The following EBF2 variants were observed in gnomAD, a reference collection of about 807,000 sequenced individuals.
EBF2 encodes the protein EBF transcription factor 2.
Under a neutral mutation model 72.8 loss-of-function variants are expected in EBF2, and 21 were observed. That is an observed-to-expected ratio of 0.29 (90% CI 0.20 to 0.42). The LOEUF (loss-of-function observed/expected upper bound fraction) is 0.42, where lower values mean the gene tolerates loss of function less well. Among genes scored for constraint, EBF2 ranks in the 10% least tolerant of loss-of-function variants. The pLI is 1.00. For synonymous variants in EBF2, 299 were observed against 274.2 expected, an observed-to-expected ratio of 1.09 and a Z score of -0.89; for missense variants, 637 against 731.2, an observed-to-expected ratio of 0.87 and a Z score of 1.49.
intron 6 of EBF2, among the ~76,000 whole-genome samples, chr8:25,995,053 C>T (rs1804601874): frequency 6.6e-6 from 1 of 152,126 alleles, no homozygotes; most frequent in Non-Finnish European, 1.5e-5. Flanking sequence ...CACCTGTAAT[C>T]CCAGCACTTT....
intron 6 of EBF2, among the ~76,000 whole-genome samples, chr8:25,994,796 G>A (rs1405414169): frequency 1.3e-5 from 2 of 151,814 alleles, no homozygotes; most frequent in African/African-American, 4.8e-5. Flanking sequence ...GAGGGTGGAG[G>A]GTAGGCAAAA....
intron 7 of EBF2, among the ~76,000 whole-genome samples, chr8:25,890,430 T>C (rs531560793): frequency 6.4e-4 from 97 of 152,204 alleles, no homozygotes; most frequent in African/African-American, 2.3e-3. Context: ...GTGTTGAAAA[T>C]AGAGGATGTG....
chr8:25,861,146 G>A lies in EBF2; in HGVS notation c.1245C>T (p.Leu415=). The A allele has an allele frequency of 6.2e-7, 1 of 1,614,204 alleles. No homozygotes were observed. Among genetic ancestry groups the A allele is most frequent in the Non-Finnish European group, 8.5e-7 (1 of 1,180,026 alleles). The change falls in exon 13 of 16, where the codon CTC becomes CTT. Residue 415 remains leucine, a synonymous_variant. Coordinates refer to ENST00000520164, the MANE Select transcript of EBF2 (RefSeq NM_022659.4). ...VPRNPSQLPA[L]SSSPAHSGMM... is the part of the protein sequence containing the mutation. The stretch of plus-strand genomic sequence containing the variant: ...TGCCACTGTGCGCTGGGGAGCTAGA[G>A]AGGGCTGGAAGCTGGCTGGGATTCC...
At chr8:25,922,967 A>G (rs1224557700) in intron 6 of EBF2, among the ~76,000 whole-genome samples, 1 of 151,926 alleles carries the variant, frequency 6.6e-6, no homozygotes, top group Non-Finnish European at 1.5e-5. Flanking sequence ...AAAAAAAAAA[A>G]AATTCATCCG....
chr8:25,864,048 T>A (rs1429296328), intron 10 of EBF2, among the ~76,000 whole-genome samples: 1 of 152,218 alleles, frequency 6.6e-6, no homozygotes, highest in Non-Finnish European at 1.5e-5. Context: ...GCAATTAATG[T>A]GATCCTAATT....
intron 6 of EBF2, among the ~76,000 whole-genome samples, chr8:26,010,296 G>A (rs1347793449): frequency 1.3e-5 from 2 of 152,196 alleles, no homozygotes; most frequent in Non-Finnish European, 2.9e-5. Context: ...GCTAAAGACA[G>A]CTCCCTAGTG....
chr8:25,852,876 TTTG>T (rs1351041664), intron 14 of EBF2, among the ~76,000 whole-genome samples: 2 of 152,230 alleles, frequency 1.3e-5, no homozygotes, highest in African/African-American at 4.8e-5. Flanking sequence ...GACAGGAAGT[TTTG>T]TTTAAAAACT....
At chr8:25,965,905 C>T (rs1422671662) in intron 6 of EBF2, among the ~76,000 whole-genome samples, 2 of 152,282 alleles carry the variant, frequency 1.3e-5, no homozygotes, top group Non-Finnish European at 2.9e-5. Flanking sequence ...GCAATTTCCT[C>T]TGCCAGGGCA....
At chr8:25,997,183 T>G (rs1440363786) in intron 6 of EBF2, among the ~76,000 whole-genome samples, 1 of 152,148 alleles carries the variant, frequency 6.6e-6, no homozygotes, top group Non-Finnish European at 1.5e-5. Context: ...AAATCCACTC[T>G]ATTTCATGCT....
At chr8:26,041,031 T>A in intron 2 of EBF2, 29 bp from the exon 3 acceptor site, 1 of 1,612,942 alleles carries the variant, frequency 6.2e-7, no homozygotes, top group Non-Finnish European at 8.5e-7. Context: ...TTCGATTCCC[T>A]TGCCTTTCAG....
At chr8:26,028,624 G>A (rs780449502) in intron 6 of EBF2, among the ~76,000 whole-genome samples, 15 of 152,296 alleles carry the variant, frequency 9.8e-5, no homozygotes, top group African/African-American at 2.6e-4. Flanking sequence ...TCACTGGATC[G>A]TCAGAGAACC....
At chr8:25,957,515 G>T (rs575143802) in intron 6 of EBF2, among the ~76,000 whole-genome samples, 1 of 152,126 alleles carries the variant, frequency 6.6e-6, no homozygotes, top group African/African-American at 2.4e-5. Flanking sequence ...TGGAGCAACA[G>T]TGTTTGGAAT....
chr8:26,042,606 C>G (rs1376967912), intron 1 of EBF2, among the ~76,000 whole-genome samples: 1 of 152,162 alleles, frequency 6.6e-6, no homozygotes, highest in Non-Finnish European at 1.5e-5. Context: ...CGTCCTATAC[C>G]GTGGGGCTGT....
At chr8:25,982,627 C>A (rs1480009223) in intron 6 of EBF2, among the ~76,000 whole-genome samples, 2 of 152,192 alleles carry the variant, frequency 1.3e-5, no homozygotes, top group Non-Finnish European at 2.9e-5. Flanking sequence ...TTTATACCAC[C>A]TTCCAAGGCC....
chr8:25,890,006 G>C, intron 7 of EBF2, 137 bp from the exon 8 acceptor site: 1 of 708,814 alleles, frequency 1.4e-6, no homozygotes. Context: ...GGACTCAACA[G>C]AGTTTTCTCC....
rs4538892 is a variant in EBF2, at chr8:25,844,256, A to G, written c.*353T>C. 7.5e-3 allele frequency: 1,281 copies of G among 170,836 alleles called. 25 individuals are homozygous for G. The highest frequency in any genetic ancestry group is 0.027 in the African/African-American group (1,154 of 42,346). 10.6% of individuals were successfully genotyped at this position (170,836 alleles called of 1,614,324 possible). A position where few individuals can be genotyped will look rare whatever the true frequency, so the allele number is the denominator to read the frequency against. On this transcript the variant is annotated 3_prime_UTR_variant, in exon 16 of 16. Transcript: ENST00000520164. Reference sequence around the variant, plus strand: ...TTTTTTTTCCTACAAAGAAAAACAAATAGTATCCAAAATATTAAGCATTAA... The same window carrying G: ...TTTTTTTTCCTACAAAGAAAAACAAGTAGTATCCAAAATATTAAGCATTAA...
At chr8:25,971,829 A>C (rs984902365) in intron 6 of EBF2, among the ~76,000 whole-genome samples, 1 of 152,140 alleles carries the variant, frequency 6.6e-6, no homozygotes, top group Non-Finnish European at 1.5e-5. Context: ...TGATTTGCAA[A>C]AAAACAAAAA....
At position 25,958,637 on chromosome 8, in the gene EBF2, GCTT is replaced by G. The variant is rs1362194933; in HGVS notation, c.552-50085_552-50083del. Among the ~76,000 whole-genome samples the G allele has an allele frequency of 2.6e-5, 4 of 152,128 alleles. No homozygotes were observed. In the East Asian group the frequency reaches 7.7e-4, roughly 29 times the overall value. On this transcript the variant is annotated intron_variant, in intron 6 of 15. Transcript: ENST00000520164. ...CCCAGCATGGACCAACTCCAGCCCA[GCTT>G]CTTCTAATTTTTTAAGGAAGGTTCC...
At chr8:25,925,245 G>A (rs1204386652) in intron 6 of EBF2, among the ~76,000 whole-genome samples, 1 of 152,054 alleles carries the variant, frequency 6.6e-6, no homozygotes, top group African/African-American at 2.4e-5. Context: ...ATTTTGAAGA[G>A]TTATACTCAT....
Sources: allele counts gnomAD v4.1 joint callset (sites outside exome capture counted in the v4.1 genomes callset), GRCh38; gene constraint gnomAD v4.1.1; transcripts MANE v1.5; gene names NCBI Gene and HGNC (gene_info 2026-07-23, HGNC 2026-07-21).